The following ATP10D variants were observed in gnomAD, a reference collection of about 807,000 sequenced individuals.
The protein encoded by ATP10D is phospholipid-transporting ATPase VD.
ATP10D carries 89 observed loss-of-function variants against 144.8 expected under a neutral mutation model. The observed-to-expected ratio is 0.61, with a 90% CI of 0.52 to 0.73. The LOEUF is 0.73. Among genes scored for constraint, ATP10D ranks in the 30% least tolerant of loss-of-function variants. The pLI is 0.00. For synonymous variants in ATP10D, 571 were observed against 615.1 expected, an observed-to-expected ratio of 0.93 and a Z score of 1.06; for missense variants, 1,603 against 1,714.8, an observed-to-expected ratio of 0.93 and a Z score of 1.15.
chr4:47,491,927 A>C (rs1310749382), intron 1 of ATP10D, among the ~76,000 whole-genome samples: 1 of 152,200 alleles, frequency 6.6e-6, no homozygotes, highest in Non-Finnish European at 1.5e-5. Flanking sequence ...TGAACTAAAT[A>C]CTTGACCTGT....
intron 18 of ATP10D, 29 bp from the exon 19 acceptor site, chr4:47,576,744 G>T (rs753814497): frequency 6.3e-7 from 1 of 1,593,644 alleles, no homozygotes; most frequent in African/African-American, 1.3e-5. Context: ...CTGATTCTAA[G>T]ATCTGAATGT....
chr4:47,491,841 C>G (rs1715098159), intron 1 of ATP10D, among the ~76,000 whole-genome samples: 1 of 152,118 alleles, frequency 6.6e-6, no homozygotes, highest in South Asian at 2.1e-4. Context: ...TGACCTCGTA[C>G]CATGCTTTCT....
At chr4:47,536,357 C>G in intron 7 of ATP10D, 80 bp from the exon 8 acceptor site, 1 of 1,528,382 alleles carries the variant, frequency 6.5e-7, no homozygotes, top group Non-Finnish European at 8.9e-7. Flanking sequence ...TACTCTCATT[C>G]CTTCTCCTTT....
At chr4:47,545,099 G>A (rs1351697633) in intron 9 of ATP10D, among the ~76,000 whole-genome samples, 1 of 152,226 alleles carries the variant, frequency 6.6e-6, no homozygotes, top group Non-Finnish European at 1.5e-5. Flanking sequence ...GGGACATGGG[G>A]CTTAGATCTG....
intron 1 of ATP10D, among the ~76,000 whole-genome samples, chr4:47,511,165 C>T (rs34105990): frequency 0.31 from 46,764 of 151,972 alleles, 7,423 homozygotes; most frequent in Middle Eastern, 0.35. Context: ...AAATATACTT[C>T]GGAGGCAGAC....
At chr4:47,506,976 A>C (rs1415878286) in intron 1 of ATP10D, among the ~76,000 whole-genome samples, 3 of 152,202 alleles carry the variant, frequency 2.0e-5, no homozygotes, top group Non-Finnish European at 4.4e-5. Context: ...TCTTAGTAAC[A>C]GTTGAGAAGA....
chr4:47,545,442 A>T (rs1345640158), intron 9 of ATP10D, among the ~76,000 whole-genome samples: 2 of 152,198 alleles, frequency 1.3e-5, no homozygotes, highest in African/African-American at 4.8e-5. Flanking sequence ...TGGATTGCAG[A>T]GGGGCAAGGA....
intron 3 of ATP10D, among the ~76,000 whole-genome samples, chr4:47,522,493 G>T (rs1190600611): frequency 6.6e-6 from 1 of 152,212 alleles, no homozygotes; most frequent in Non-Finnish European, 1.5e-5. Flanking sequence ...ATGTTTCAGT[G>T]GCTCAGTAAC....
chr4:47,549,439 G>A (rs1388423783), intron 10 of ATP10D, among the ~76,000 whole-genome samples: 2 of 152,194 alleles, frequency 1.3e-5, no homozygotes, highest in African/African-American at 4.8e-5. Context: ...TGAGTTCCCT[G>A]GAAGCCAGGA....
At chr4:47,574,999 G>C (rs1470372322) in intron 18 of ATP10D, among the ~76,000 whole-genome samples, 1 of 151,850 alleles carries the variant, frequency 6.6e-6, no homozygotes, top group Non-Finnish European at 1.5e-5. Flanking sequence ...TTTGCGGGGG[G>C]AGAGACAGGA....
intron 15 of ATP10D, among the ~76,000 whole-genome samples, chr4:47,566,091 CCA>C (rs1719626339): frequency 6.6e-6 from 1 of 152,196 alleles, no homozygotes; most frequent in Admixed American, 6.5e-5. Flanking sequence ...ATCATGGAGC[CCA>C]GTGTGTCACT....
At chr4:47,587,413 A>G (rs1228825586) in intron 22 of ATP10D, among the ~76,000 whole-genome samples, 1 of 152,194 alleles carries the variant, frequency 6.6e-6, no homozygotes, top group Non-Finnish European at 1.5e-5. Flanking sequence ...TTTATCTCTC[A>G]TGAAAAAGTT....
intron 21 of ATP10D, among the ~76,000 whole-genome samples, chr4:47,586,234 C>G (rs192272973): frequency 7.9e-5 from 12 of 152,264 alleles, no homozygotes; most frequent in African/African-American, 2.9e-4. Flanking sequence ...ACTTTTCTTT[C>G]TAGATAAAGT....
In ATP10D at chr4:47,535,972, A is replaced by C. The variant is rs574597508; in HGVS notation, c.954A>C (p.Ala318=). Residue 318 remains alanine (A), a synonymous_variant, in exon 7 of 23, where the codon GCA becomes GCC. Coordinates refer to ENST00000273859, the MANE Select transcript of ATP10D (RefSeq NM_020453.4). ...AGCGCAGCAAATTAGAAAGAAGAGC[A>C]AACACAGATGTCCTCTGGTGTGTCA... The part of the protein sequence containing the change: ...RYKRSKLERR[A]NTDVLWCVML... The C allele has an allele frequency of 6.2e-7, 1 of 1,613,244 alleles. No homozygotes were observed. The highest frequency in any genetic ancestry group is 2.2e-5 in the East Asian group (1 of 44,866).
chr4:47,549,556 A>G (rs771341720), intron 10 of ATP10D, among the ~76,000 whole-genome samples: 6 of 152,252 alleles, frequency 3.9e-5, no homozygotes, highest in Non-Finnish European at 5.9e-5. Context: ...AATGGAAGGC[A>G]TGGCACAATA....
chr4:47,506,566 G>A (rs1001908991), intron 1 of ATP10D, among the ~76,000 whole-genome samples: 3 of 152,088 alleles, frequency 2.0e-5, no homozygotes, highest in South Asian at 2.1e-4. Flanking sequence ...GTATTCCAGA[G>A]TATTACATAA....
chr4:47,526,601 G>A (rs79660547), intron 5 of ATP10D, among the ~76,000 whole-genome samples: 2,808 of 152,184 alleles, frequency 0.018, 92 homozygotes, highest in African/African-American at 0.065. Context: ...TTCACAGATG[G>A]TATAATGTTC....
chr4:47,562,609 C>T (rs1379210198), intron 14 of ATP10D, among the ~76,000 whole-genome samples: 1 of 152,138 alleles, frequency 6.6e-6, no homozygotes, highest in Non-Finnish European at 1.5e-5. Context: ...TAAATTAGTA[C>T]AACCTCTATG....
chr4:47,532,885 G>A (rs1051971240), intron 5 of ATP10D, among the ~76,000 whole-genome samples: 7 of 152,106 alleles, frequency 4.6e-5, no homozygotes, highest in African/African-American at 1.4e-4. Context: ...CTAGCATCTG[G>A]GTTGGAGCGC....
Sources: gnomAD v4.1 joint callset for allele counts (sites outside exome capture counted in the v4.1 genomes callset) on GRCh38, gnomAD v4.1.1 for gene constraint, MANE v1.5 for transcripts, NCBI Gene and HGNC (gene_info 2026-07-23, HGNC 2026-07-21) for gene names.